The following CNR2 variants were observed in gnomAD, a reference collection of about 807,000 sequenced individuals.
CNR2 encodes the protein cannabinoid receptor 2.
For synonymous variants in CNR2, 172 were observed against 182.2 expected, an observed-to-expected ratio of 0.94 and a Z score of 0.45; for missense variants, 379 against 439.9, an observed-to-expected ratio of 0.86 and a Z score of 1.24.
rs2501425 is a variant in CNR2, at chr1:23,872,849, A to C, written c.*1686T>G. 96,343 of 151,948 alleles carry C rather than the reference A, an allele frequency of 0.63. 30,952 individuals are homozygous for C. The highest frequency in any genetic ancestry group is 0.76 in the African/African-American group (31,333 of 41,454). The allele number at this position is 151,948 out of a possible 1,614,324, so 9.4% of individuals were successfully genotyped here. On this transcript the variant is annotated 3_prime_UTR_variant, in exon 2 of 2. Coordinates refer to ENST00000374472, the MANE Select transcript of CNR2 (RefSeq NM_001841.3). ...AATTAATCCCTATTACATGACATGA[A>C]CCTGCATATTTCCTTTGTTGTACTG...
At chr1:23,902,605 C>A in intron 1 of CNR2, 2 of 1,604,172 alleles carry the variant, frequency 1.2e-6, no homozygotes, top group Non-Finnish European at 8.5e-7. Flanking sequence ...GCATAGAAGA[C>A]GGAGCTGCAG....
At chr1:23,900,148 T>C (rs28831375) in intron 1 of CNR2, among the ~76,000 whole-genome samples, 148,685 of 151,596 alleles carry the variant, frequency 0.98, 72,981 homozygotes, top group East Asian at 1. Flanking sequence ...AACTGGCTCA[T>C]GTGATCTTGT....
intron 1 of CNR2, among the ~76,000 whole-genome samples, chr1:23,899,558 G>A (rs1430052357): frequency 1.3e-5 from 2 of 151,572 alleles, no homozygotes; most frequent in African/African-American, 4.8e-5. Context: ...GTTCACGCCT[G>A]TAATCCCAGC....
At chr1:23,892,512 A>G (rs932058686) in intron 1 of CNR2, among the ~76,000 whole-genome samples, 1 of 152,204 alleles carries the variant, frequency 6.6e-6, no homozygotes, top group Non-Finnish European at 1.5e-5. Flanking sequence ...GTCTATTAGG[A>G]GAAAAGCAGC....
Position 23,899,052 on chromosome 1 carries a change from A to G in CNR2, c.-46+14194T>C, listed in dbSNP as rs372042857. On this transcript the variant is annotated intron_variant, in intron 1 of 1. Transcript: ENST00000374472. ...TACAATGTGATATTATGATACACGT[A>G]TCAAAATTGCTAAAAGAGTAGATTT... 3.9e-5 allele frequency among the ~76,000 whole-genome samples: 6 copies of G among 152,222 alleles called. No individual in the cohort carries two copies. The East Asian group carries it at 1.2e-3, about 29-fold the overall frequency.
intron 1 of CNR2, among the ~76,000 whole-genome samples, chr1:23,896,541 C>A (rs1640288847): frequency 6.6e-6 from 1 of 152,184 alleles, no homozygotes; most frequent in African/African-American, 2.4e-5. Flanking sequence ...CTCACTTTCT[C>A]AAGTTCTTTG....
At chr1:23,905,978 A>AGTTCCT (rs1640480356) in intron 1 of CNR2, among the ~76,000 whole-genome samples, 1 of 152,152 alleles carries the variant, frequency 6.6e-6, no homozygotes, top group African/African-American at 2.4e-5. Context: ...CTGGATTTCT[A>AGTTCCT]GTTCCTGTTC....
chr1:23,899,224 CAG>C (rs1286177547), intron 1 of CNR2, among the ~76,000 whole-genome samples: 1 of 152,118 alleles, frequency 6.6e-6, no homozygotes, highest in Non-Finnish European at 1.5e-5. Context: ...TTGTAAATGG[CAG>C]AGTCAGAATT....
At chr1:23,886,610 A>C (rs1640094348) in intron 1 of CNR2, among the ~76,000 whole-genome samples, 2 of 152,244 alleles carry the variant, frequency 1.3e-5, no homozygotes, top group Admixed American at 6.5e-5. Flanking sequence ...AGTAAGCCAT[A>C]TCTTGACTGC....
chr1:23,911,660 G>A (rs776530354), intron 1 of CNR2, among the ~76,000 whole-genome samples: 1 of 152,138 alleles, frequency 6.6e-6, no homozygotes, highest in Non-Finnish European at 1.5e-5. Flanking sequence ...AAGAGTGACT[G>A]GTACTGTAAA....
intron 1 of CNR2, among the ~76,000 whole-genome samples, chr1:23,885,518 T>C (rs1640071858): frequency 6.6e-6 from 1 of 152,152 alleles, no homozygotes. Flanking sequence ...GCCACTGTTG[T>C]GATTATTATT....
chr1:23,905,374 T>C (rs773871448), intron 1 of CNR2, among the ~76,000 whole-genome samples: 2 of 151,700 alleles, frequency 1.3e-5, no homozygotes, highest in African/African-American at 4.8e-5. Flanking sequence ...GAGATGGGGT[T>C]TCACCATGTT....
chr1:23,875,099 A>G lies in CNR2; in HGVS notation c.519T>C (p.Thr173=). The G allele has an allele frequency of 6.2e-7, 1 of 1,601,124 alleles. No homozygotes were observed. The highest frequency in any genetic ancestry group is 8.5e-7 in the Non-Finnish European group (1 of 1,172,990). ...GCTCAGAGCAGGGCCTGGGACAGCA[A>G]GTCCATCCCATGAGGGGCAGGTAGG... ...LVSYLPLMGW[T]CCPRPCSELF... Residue 173 remains threonine (T), a synonymous_variant, in exon 2 of 2, where the codon ACT becomes ACC. Coordinates refer to ENST00000374472, the MANE Select transcript of CNR2 (RefSeq NM_001841.3).
chr1:23,906,755 G>T (rs1640492568), intron 1 of CNR2, among the ~76,000 whole-genome samples: 1 of 151,694 alleles, frequency 6.6e-6, no homozygotes, highest in East Asian at 1.9e-4. Flanking sequence ...AGCTGGGAGT[G>T]GTGGCATGTG....
intron 1 of CNR2, among the ~76,000 whole-genome samples, chr1:23,909,051 A>G (rs951162711): frequency 2.0e-5 from 3 of 151,754 alleles, no homozygotes; most frequent in South Asian, 2.1e-4. Flanking sequence ...CGTGAAGCTC[A>G]CCGGACACCG....
At chr1:23,895,712 C>T (rs1332242289) in intron 1 of CNR2, among the ~76,000 whole-genome samples, 3 of 152,046 alleles carry the variant, frequency 2.0e-5, no homozygotes, top group African/African-American at 7.2e-5. Flanking sequence ...TTCATATTGG[C>T]CAGGATGGTC....
rs940977942 is a variant in CNR2 at position 23,872,410 on chromosome 1, G to C, written c.*2125C>G. The C allele has an allele frequency of 6.6e-6, 1 of 151,962 alleles. No homozygotes were observed. The highest frequency in any genetic ancestry group is 1.5e-5 in the Non-Finnish European group (1 of 67,998). 9.4% of individuals were successfully genotyped at this position (151,962 alleles called of 1,614,324 possible). On this transcript the variant is annotated 3_prime_UTR_variant, in exon 2 of 2. Transcript: ENST00000374472. ...AAATTTATTACAGGAGATTAATACG[G>C]GGCCATTTAATAAAATGGAGTATAT...
intron 1 of CNR2, chr1:23,901,410 A>G (rs1640396050): frequency 1.4e-6 from 2 of 1,387,572 alleles, no homozygotes. Context: ...GTCAAGAAGC[A>G]GTTAGTGTCC....
chr1:23,899,978 GAAAGAAAGAAAA>G lies in CNR2; in HGVS notation c.-46+13256_-46+13267del, dbSNP rs1471095964. On this transcript the variant is annotated intron_variant, in intron 1 of 1. Transcript: ENST00000374472. ...AAAGGAAAGAAAGAAAGAAAGGAAA[GAAAGAAAGAAAA>G]GAAAGAAAGAAAGGAAGGAAGGTTT... is the stretch of plus-strand genomic sequence containing the variant. 4.2e-3 allele frequency among the ~76,000 whole-genome samples: 20 copies of G among 4,724 alleles called. No homozygotes were observed. In the East Asian group the frequency reaches 0.11, roughly 25 times the overall value. The allele number at this position is 4,724 out of a possible 152,430, so 3.1% of individuals were successfully genotyped here. A position where few individuals can be genotyped will look rare whatever the true frequency, so the allele number is the denominator to read the frequency against.
Sources: allele counts gnomAD v4.1 joint callset (sites outside exome capture counted in the v4.1 genomes callset), GRCh38; gene constraint gnomAD v4.1.1; transcripts MANE v1.5; gene names NCBI Gene and HGNC (gene_info 2026-07-23, HGNC 2026-07-21).